MAP6: variants seen among roughly 807,000 people sequenced by gnomAD.
MAP6 encodes the protein microtubule-associated protein 6.
Under a neutral mutation model 42.4 loss-of-function variants are expected in MAP6, and 26 were observed. That is an observed-to-expected ratio of 0.61 (90% CI 0.45 to 0.85). The LOEUF (loss-of-function observed/expected upper bound fraction) is 0.85. MAP6 is among the 40% of genes least tolerant of loss of function. MAP6 has a pLI of 0.00. For synonymous variants in MAP6, 418 were observed against 443.8 expected (o/e 0.94, Z 0.73); for missense variants, 966 against 1,099.0 (o/e 0.88, Z 1.71).
intron 1 of MAP6, among the ~76,000 whole-genome samples, chr11:75,634,874 T>C (rs1356908449): frequency 6.6e-6 from 1 of 152,232 alleles, no homozygotes; most frequent in Non-Finnish European, 1.5e-5. Flanking sequence ...TATAAAGAGA[T>C]GCCCTTTTAT....
chr11:75,647,522 A>C (rs1240693318), intron 1 of MAP6, among the ~76,000 whole-genome samples: 1 of 152,148 alleles, frequency 6.6e-6, no homozygotes, highest in Non-Finnish European at 1.5e-5. Flanking sequence ...GGTAAAAGAC[A>C]TAACAACGCT....
chr11:75,608,169 C>CTTA lies in MAP6; in HGVS notation c.1056_1058dup (p.Asn352dup), dbSNP rs139155292. The CTTA allele has an allele frequency of 6.4e-4, 1,039 of 1,614,192 alleles. 6 individuals carry two copies. The African/African-American group carries it at 0.012, about 19-fold the overall frequency. On this transcript the variant is annotated inframe_insertion, in exon 2 of 4. Transcript: ENST00000304771. ...TGCGTATTCTTCTGCGATCAATGAC[C>CTTA]TTATTGTCAGCTGTTGTTGGCTTGC...
Position 75,608,196 on chromosome 11 carries a change from G to A in MAP6, c.1032C>T (p.Ala344=), listed in dbSNP as rs199708859. 96 of 1,614,068 alleles carry A rather than the reference G, an allele frequency of 5.9e-5. No individual in the cohort carries two copies. Among genetic ancestry groups the A allele is most frequent in the Middle Eastern group, 1.6e-4 (1 of 6,084 alleles). ...TSYSAQFKGE[A]SKPTTADNKV... Reference sequence around the variant, plus strand: ...TATTGTCAGCTGTTGTTGGCTTGCTGGCCTCTCCTTTGAACTGAGCACTGT... The same window carrying A: ...TATTGTCAGCTGTTGTTGGCTTGCTAGCCTCTCCTTTGAACTGAGCACTGT... The change falls in exon 2 of 4, where the codon GCC becomes GCT. Residue 344 remains alanine (A), a synonymous_variant. Transcript: ENST00000304771.
Position 75,667,446 on chromosome 11 carries a change from A to G in MAP6, c.905+19T>C. Reference sequence around the variant, plus strand: ...GTCTGCGTGGTGACTCCCCCGCGCTAGCAGCGGCCGCGTCTCACCTGTAGG... The same window carrying G: ...GTCTGCGTGGTGACTCCCCCGCGCTGGCAGCGGCCGCGTCTCACCTGTAGG... On this transcript the variant is annotated intron_variant, in intron 1 of 3. Transcript: ENST00000304771. This position sits in a 1 kb window ranked among gnomAD's most constrained non-coding sequence, Gnocchi z 5.6. 6.8e-7 allele frequency: 1 copy of G among 1,464,240 alleles called. No individual in the cohort carries two copies. The highest frequency in any genetic ancestry group is 1.3e-5 in the South Asian group (1 of 76,100). The allele number at this position is 1,464,240 out of a possible 1,614,324, so 90.7% of individuals were successfully genotyped here.
chr11:75,597,266 C>T (rs1170651335), intron 3 of MAP6: 1 of 152,210 alleles, frequency 6.6e-6, no homozygotes, highest in Non-Finnish European at 1.5e-5. Flanking sequence ...TCCCTCCAGG[C>T]AGACATGTTC....
In MAP6 at chr11:75,625,559, A is replaced by G. The variant is rs572945545; in HGVS notation, c.906-17237T>C. Among the ~76,000 whole-genome samples the G allele has an allele frequency of 7.2e-5, 11 of 152,284 alleles. No individual in the cohort carries two copies. In the East Asian group the frequency reaches 1.9e-3, roughly 27 times the overall value. On this transcript the variant is annotated intron_variant, in intron 1 of 3. Transcript: ENST00000304771. ...TTCTAATGAGAAAACCAAAGCCCAGAGAGGTGAGCGATTTGCTCAAGGGCA... is the reference window on the plus strand; with the variant it reads ...TTCTAATGAGAAAACCAAAGCCCAGGGAGGTGAGCGATTTGCTCAAGGGCA...
At chr11:75,666,348 G>T (rs1943945534) in intron 1 of MAP6, among the ~76,000 whole-genome samples, 1 of 152,026 alleles carries the variant, frequency 6.6e-6, no homozygotes, top group African/African-American at 2.4e-5. Context: ...AAGCAGACTG[G>T]AATGGCTGAA....
chr11:75,604,860 G>C, intron 3 of MAP6: 1 of 985,476 alleles, frequency 1.0e-6, no homozygotes, highest in Non-Finnish European at 1.2e-6. Context: ...AGACCAGAGC[G>C]GTTCAGGAAG....
intron 1 of MAP6, among the ~76,000 whole-genome samples, chr11:75,620,028 G>A (rs184761134): frequency 6.6e-6 from 1 of 152,260 alleles, no homozygotes; most frequent in East Asian, 1.9e-4. Context: ...CCATGAGATG[G>A]TATCTCATTT....
intron 1 of MAP6, among the ~76,000 whole-genome samples, chr11:75,647,898 A>G (rs1408517604): frequency 6.6e-6 from 1 of 152,248 alleles, no homozygotes; most frequent in Non-Finnish European, 1.5e-5. Flanking sequence ...GTTAAAAATC[A>G]AAGCGTATTA....
At chr11:75,666,004 G>A (rs1335647316) in intron 1 of MAP6, among the ~76,000 whole-genome samples, 1 of 152,180 alleles carries the variant, frequency 6.6e-6, no homozygotes, top group Non-Finnish European at 1.5e-5. Flanking sequence ...CTATGAGAGA[G>A]TATTGGTAAT....
intron 3 of MAP6, among the ~76,000 whole-genome samples, chr11:75,588,902 C>T (rs655645): frequency 0.46 from 69,251 of 152,020 alleles, 16,492 homozygotes; most frequent in Middle Eastern, 0.59. Context: ...AGGCTGTTCT[C>T]CAGCTCCTGA....
chr11:75,615,950 C>T (rs907209493), intron 1 of MAP6, among the ~76,000 whole-genome samples: 3 of 42,066 alleles, frequency 7.1e-5, no homozygotes, highest in South Asian at 5.0e-4. Flanking sequence ...AACAGGAGTG[C>T]GCGGGGCGGC....
intron 1 of MAP6, among the ~76,000 whole-genome samples, chr11:75,633,772 T>C (rs1943321872): frequency 6.6e-6 from 1 of 152,150 alleles, no homozygotes; most frequent in African/African-American, 2.4e-5. Context: ...TGAGGAATGC[T>C]GAAGAGGCCA....
chr11:75,651,621 T>G (rs1487311501), intron 1 of MAP6, among the ~76,000 whole-genome samples: 2 of 152,246 alleles, frequency 1.3e-5, no homozygotes, highest in African/African-American at 4.8e-5. Flanking sequence ...TGGTGACTCC[T>G]GTACCTTGCG....
rs1942366948 is a variant in MAP6 at position 75,587,115 on chromosome 11, G to A, written c.2386C>T (p.Pro796Ser). The stretch of plus-strand genomic sequence containing the variant: ...GGGGCAGTTGGGATCATGACTCGGG[G>A]TAGAGGTGAGACAGTAGGTAGCTGA... ...DPQLPTVSPL[P>S]RVMIPTAPHT... Residue 796 changes from proline (P) to serine (S), a missense_variant, in exon 4 of 4, where the codon CCC becomes TCC. Around this residue, in one of 2 missense-constraint regions of MAP6, gnomAD observed 943 missense variants for 1,049.9 expected, o/e 0.90. Transcript: ENST00000304771. 5.0e-6 allele frequency: 8 copies of A among 1,612,502 alleles called. 1 individual carries two copies. Among genetic ancestry groups the A allele is most frequent in the African/African-American group, 2.7e-5 (2 of 74,874 alleles).
chr11:75,605,708 A>C, intron 3 of MAP6, 100 bp downstream of exon 3: 1 of 1,540,830 alleles, frequency 6.5e-7, no homozygotes, highest in East Asian at 2.3e-5. Flanking sequence ...AGAAGCCTCT[A>C]ATTAATTTTG....
In MAP6 at chr11:75,608,335, G is replaced by T; in HGVS notation, c.906-13C>A. On this transcript the variant is annotated splice_polypyrimidine_tract_variant and intron_variant, in intron 1 of 3. Transcript: ENST00000304771. ...CCTGAATTCATTCCTGTTAGTCAAA[G>T]AAAGCATATGTGATATGAAGCATCA... The T allele has an allele frequency of 6.2e-7, 1 of 1,608,840 alleles. No individual in the cohort carries two copies. Among genetic ancestry groups the T allele is most frequent in the Non-Finnish European group, 8.5e-7 (1 of 1,175,224 alleles).
At chr11:75,652,452 T>A (rs1237384419) in intron 1 of MAP6, among the ~76,000 whole-genome samples, 1 of 152,224 alleles carries the variant, frequency 6.6e-6, no homozygotes, top group Non-Finnish European at 1.5e-5. Flanking sequence ...ATCAGACTAA[T>A]CTTTCTAGGT....
Sources: allele counts gnomAD v4.1 joint callset (sites outside exome capture counted in the v4.1 genomes callset), GRCh38; gene constraint gnomAD v4.1.1; regional missense constraint gnomAD v4.1.1; non-coding constraint Gnocchi (gnomAD v3.1); transcripts MANE v1.5; gene names NCBI Gene and HGNC (gene_info 2026-07-23, HGNC 2026-07-21).